EDA: variants seen among roughly 807,000 people sequenced by gnomAD.
EDA encodes the protein ectodysplasin-A.
EDA carries 2 observed loss-of-function variants against 23.6 expected under a neutral mutation model. The ratio of observed to expected loss-of-function variants is 0.08; its 90% CI spans 0.03 to 0.27. The LOEUF is 0.27. Among genes scored for constraint, EDA ranks in the 10% least tolerant of loss-of-function variants. The pLI, the probability that EDA is intolerant of heterozygous loss-of-function variation, is 1.00. For missense variants in EDA, 229 were observed against 324.2 expected (o/e 0.71, Z 2.26); for synonymous variants, 131 against 132.0 (o/e 0.99, Z 0.05).
chrX:69,626,109 A>G (rs1277715818), intron 1 of EDA, among the ~76,000 whole-genome samples: 4 of 111,875 alleles, frequency 3.6e-5, no homozygotes, highest in African/African-American at 1.3e-4. Flanking sequence ...TTAAAACCAC[A>G]GTGAGATACC....
chrX:69,853,390 A>C (rs995790665), intron 1 of EDA, among the ~76,000 whole-genome samples: 1 of 111,991 alleles, frequency 8.9e-6, no homozygotes, highest in Non-Finnish European at 1.9e-5. Flanking sequence ...GGCTAGGTTA[A>C]GAAACATGGA....
intron 1 of EDA, among the ~76,000 whole-genome samples, chrX:69,885,627 C>CA (rs772199091): frequency 8.9e-6 from 1 of 112,040 alleles, no homozygotes; most frequent in Non-Finnish European, 1.9e-5. Flanking sequence ...CATCCACAGA[C>CA]AAAATTGTCT....
intron 2 of EDA, among the ~76,000 whole-genome samples, chrX:69,983,457 T>G (rs1178433266): frequency 7.4e-4 from 5 of 6,741 alleles, no homozygotes; most frequent in Non-Finnish European, 1.5e-3. Context: ...GGCCTGGTGG[T>G]GACAAAATCT....
intron 1 of EDA, among the ~76,000 whole-genome samples, chrX:69,696,641 T>G (rs1157439609): frequency 8.9e-6 from 1 of 112,029 alleles, no homozygotes; most frequent in African/African-American, 3.2e-5. Context: ...ATATATTGAT[T>G]AGGATTTTCA....
At chrX:69,982,681 G>A (rs2019429724) in intron 2 of EDA, among the ~76,000 whole-genome samples, 1 of 106,741 alleles carries the variant, frequency 9.4e-6, no homozygotes. Context: ...TTCCAACTAT[G>A]TGGTCAATTT....
chrX:69,887,144 T>G (rs533580368), intron 1 of EDA, among the ~76,000 whole-genome samples: 1 of 110,775 alleles, frequency 9.0e-6, no homozygotes, highest in African/African-American at 3.3e-5. Context: ...GGAGACCTCA[T>G]CTCTACAAAA....
intron 1 of EDA, among the ~76,000 whole-genome samples, chrX:69,706,762 A>G (rs1788528683): frequency 9.0e-6 from 1 of 111,664 alleles, no homozygotes; most frequent in African/African-American, 3.3e-5. Context: ...AGGTTTTATC[A>G]TACAAATGAA....
chrX:69,898,906 T>C (rs1191847177), intron 1 of EDA, among the ~76,000 whole-genome samples: 4 of 112,088 alleles, frequency 3.6e-5, no homozygotes, highest in Non-Finnish European at 7.5e-5. Context: ...AGCCAGGCTC[T>C]GATGGAGACA....
intron 2 of EDA, among the ~76,000 whole-genome samples, chrX:69,971,315 C>T (rs1254423571): frequency 9.0e-6 from 1 of 111,687 alleles, no homozygotes; most frequent in Non-Finnish European, 1.9e-5. Flanking sequence ...AAATGATGTA[C>T]AAATGTGAAG....
At chrX:69,979,425 T>C (rs2019370103) in intron 2 of EDA, among the ~76,000 whole-genome samples, 1 of 112,241 alleles carries the variant, frequency 8.9e-6, no homozygotes, top group Non-Finnish European at 1.9e-5. Flanking sequence ...GTGGAATTGC[T>C]GGGCCAAATG....
At chrX:69,632,033 A>C (rs1450724361) in intron 1 of EDA, among the ~76,000 whole-genome samples, 1 of 111,942 alleles carries the variant, frequency 8.9e-6, no homozygotes, top group Non-Finnish European at 1.9e-5. Flanking sequence ...TATAATATGA[A>C]ATTGTGGTTT....
intron 2 of EDA, among the ~76,000 whole-genome samples, chrX:69,978,273 C>CG (rs2019344766): frequency 2.3e-5 from 2 of 86,643 alleles, no homozygotes; most frequent in African/African-American, 8.9e-5. Context: ...TGCCTGAGTT[C>CG]AGGAGTTCGA....
intron 1 of EDA, among the ~76,000 whole-genome samples, chrX:69,638,014 C>T (rs1021656057): frequency 2.7e-5 from 3 of 111,048 alleles, no homozygotes; most frequent in African/African-American, 9.8e-5. Flanking sequence ...TGTCACATTT[C>T]CAATATTAGA....
At chrX:69,873,137 C>T (rs1355818372) in intron 1 of EDA, among the ~76,000 whole-genome samples, 1 of 111,969 alleles carries the variant, frequency 8.9e-6, no homozygotes, top group Non-Finnish European at 1.9e-5. Flanking sequence ...TAACCTGCTC[C>T]TGAGTGATCA....
At chrX:69,925,950 A>G (rs186903543) in intron 1 of EDA, among the ~76,000 whole-genome samples, 22,605 of 109,579 alleles carry the variant, frequency 0.21, 1,797 homozygotes, top group African/African-American at 0.25. Context: ...ATTTGCATAG[A>G]GATTTTTATA....
At position 69,949,599 on chromosome X, in the gene EDA, T is replaced by C. The variant is rs199773004; in HGVS notation, c.397-7428T>C. Among the ~76,000 whole-genome samples, 21 of 111,752 alleles carry C rather than the reference T, an allele frequency of 1.9e-4. No homozygotes were observed. The East Asian group carries it at 5.4e-3, about 29-fold the overall frequency. ...ATCCTTTTGACTTGATTCCTGCCAA[T>C]AGTGTATTGAATCCTTAGTGTACTC... On this transcript the variant is annotated intron_variant, in intron 1 of 7. Coordinates refer to ENST00000374552, the MANE Select transcript of EDA (RefSeq NM_001399.5).
chrX:69,740,870 T>A (rs1167323372), intron 1 of EDA, among the ~76,000 whole-genome samples: 1 of 109,824 alleles, frequency 9.1e-6, no homozygotes, highest in African/African-American at 3.3e-5. Context: ...TTGCATAATC[T>A]GTTGATCTTT....
At chrX:69,852,550 C>T (rs1018968773) in intron 1 of EDA, among the ~76,000 whole-genome samples, 8 of 111,587 alleles carry the variant, frequency 7.2e-5, no homozygotes, top group African/African-American at 2.6e-4. Context: ...CTGCTGATCT[C>T]CGTTGGCCTT....
intron 2 of EDA, among the ~76,000 whole-genome samples, chrX:69,963,549 C>T (rs953852137): frequency 8.9e-6 from 1 of 112,284 alleles, no homozygotes; most frequent in Non-Finnish European, 1.9e-5. Context: ...CAGCAGAACA[C>T]TCTGGAGAGT....
Sources: gnomAD v4.1 joint callset for allele counts (sites outside exome capture counted in the v4.1 genomes callset) on GRCh38, gnomAD v4.1.1 for gene constraint, MANE v1.5 for transcripts, NCBI Gene and HGNC (gene_info 2026-07-23, HGNC 2026-07-21) for gene names.